DISP3: variants seen among roughly 807,000 people sequenced by gnomAD.
DISP3 encodes protein dispatched homolog 3.
DISP3 carries 101 observed loss-of-function variants against 135.3 expected under a neutral mutation model. The observed-to-expected ratio is 0.75, with a 90% confidence interval of 0.64 to 0.88. The LOEUF (loss-of-function observed/expected upper bound fraction) is 0.88. DISP3 is among the 40% of genes least tolerant of loss of function. The pLI, the probability that DISP3 is intolerant of heterozygous loss-of-function variation, is 0.00. For missense variants in DISP3, 1,713 were observed against 1,878.6 expected, an observed-to-expected ratio of 0.91 and a Z score of 1.63; for synonymous variants, 856 against 817.0, an observed-to-expected ratio of 1.05 and a Z score of -0.81.
chr1:11,535,667 C>G (rs1642691858), intron 20 of DISP3, 23 bp downstream of exon 20: 2 of 1,597,172 alleles, frequency 1.3e-6, no homozygotes, highest in African/African-American at 1.3e-5. Context: ...CCCGCCTTAC[C>G]CACTTCCCAC....
intron 1 of DISP3, among the ~76,000 whole-genome samples, chr1:11,480,668 C>T (rs1640875474): frequency 1.8e-5 from 2 of 108,752 alleles, no homozygotes; most frequent in Admixed American, 2.2e-4. Flanking sequence ...CCACCCCCAG[C>T]GCGCGCGTGC....
chr1:11,530,898 T>C lies in DISP3; in HGVS notation c.3103-9T>C. 6.2e-7 allele frequency: 1 copy of C among 1,613,470 alleles called. No homozygotes were observed. Among genetic ancestry groups the C allele is most frequent in the Admixed American group, 1.7e-5 (1 of 60,000 alleles). On this transcript the variant is annotated splice_polypyrimidine_tract_variant and intron_variant, in intron 15 of 20. Transcript: ENST00000294484. The stretch of plus-strand genomic sequence containing the variant: ...GCGGCCCGGGCCGGCTTGTTTCTCC[T>C]TGGGAAAGGGTAGTGTTGTCTACGA...
In DISP3 at chr1:11,501,633, C is replaced by A. The variant is rs758199709; in HGVS notation, c.641C>A (p.Ala214Glu). 3.7e-6 allele frequency: 6 copies of A among 1,608,424 alleles called. No individual in the cohort carries two copies. In the African/African-American group the frequency reaches 8.0e-5, roughly 21 times the overall value. Residue 214 changes from alanine (A) to glutamate (E), a missense_variant, in exon 2 of 21, where the codon GCA becomes GAA. Transcript: ENST00000294484. The surrounding 1 kb of genome is among the most constrained non-coding windows in gnomAD (Gnocchi z 4.9). Reference sequence around the variant, plus strand: ...GAGACCCCGCCCCTGGAGGATCTGGCAGCCAACCAGAGTGAAGACCCGCGA... The same window carrying A: ...GAGACCCCGCCCCTGGAGGATCTGGAAGCCAACCAGAGTGAAGACCCGCGA... ...RRETPPLEDL[A>E]ANQSEDPRNQ... is the part of the protein sequence containing the mutation.
chr1:11,480,569 G>T (rs775085143), intron 1 of DISP3, among the ~76,000 whole-genome samples: 1 of 151,920 alleles, frequency 6.6e-6, no homozygotes, highest in Non-Finnish European at 1.5e-5. Flanking sequence ...CACTGACTAA[G>T]CCCCAGATTC....
rs1268881339 is a variant in DISP3 at position 11,483,755 on chromosome 1, CG to C, written c.-4+4385del. Among the ~76,000 whole-genome samples the C allele has an allele frequency of 6.6e-6, 1 of 152,202 alleles. No homozygotes were observed. Among genetic ancestry groups the C allele is most frequent in the East Asian group, 1.9e-4 (1 of 5,200 alleles). On this transcript the variant is annotated intron_variant, in intron 1 of 20. Coordinates refer to ENST00000294484, the MANE Select transcript of DISP3 (RefSeq NM_020780.2). This position sits in a 1 kb window ranked among gnomAD's most constrained non-coding sequence, Gnocchi z 5.4. ...CAAGGCTTCTGAGCCATGGCTGGGC[CG>C]GAGCTGAGTCCCCGTGAGAGTCTGG...
At chr1:11,488,665 G>GTA (rs1202886437) in intron 1 of DISP3, among the ~76,000 whole-genome samples, 1 of 151,102 alleles carries the variant, frequency 6.6e-6, no homozygotes, top group Non-Finnish European at 1.5e-5. Flanking sequence ...GTGTGTGTGT[G>GTA]TGTTTGCAGA....
At chr1:11,488,320 C>T (rs886620543) in intron 1 of DISP3, among the ~76,000 whole-genome samples, 1 of 152,160 alleles carries the variant, frequency 6.6e-6, no homozygotes, top group African/African-American at 2.4e-5. Context: ...AGGCTGAGAC[C>T]AGTGTCAGAC....
Position 11,535,755 on chromosome 1 carries a change from A to T in DISP3, c.3816+111A>T, listed in dbSNP as rs529061283. 18 of 1,359,492 alleles carry T rather than the reference A, an allele frequency of 1.3e-5. No individual in the cohort carries two copies. In the Admixed American group the frequency reaches 2.6e-4, roughly 20 times the overall value. 84.2% of individuals were successfully genotyped at this position (1,359,492 alleles called of 1,614,324 possible). ...TGAACATCCCAGCACCAGGACCCCC[A>T]TGCAGGCTGTGTTCTAGAAACTAAG... On this transcript the variant is annotated intron_variant, in intron 20 of 20. Transcript: ENST00000294484.
rs2100457383 is a variant in DISP3 at position 11,516,858 on chromosome 1, TG to T, written c.1750-602del. Among the ~76,000 whole-genome samples the T allele has an allele frequency of 6.6e-6, 1 of 152,290 alleles. No individual in the cohort carries two copies. The highest frequency in any genetic ancestry group is 2.4e-5 in the African/African-American group (1 of 41,570). ...GGGTTCAGCTTCTGCAGTGTGACCT[TG>T]GGCAGGCTGTGTGACCTCTCTGAGC... On this transcript the variant is annotated intron_variant, in intron 6 of 20. Coordinates refer to ENST00000294484, the MANE Select transcript of DISP3 (RefSeq NM_020780.2). The surrounding 1 kb of genome is among the most constrained non-coding windows in gnomAD (Gnocchi z 5.1).
chr1:11,497,508 C>T (rs11121760), intron 1 of DISP3, among the ~76,000 whole-genome samples: 23,250 of 152,104 alleles, frequency 0.15, 2,887 homozygotes, highest in African/African-American at 0.34. Flanking sequence ...CTTGCCTCAG[C>T]CCCCCGAGTA....
Position 11,504,975 on chromosome 1 carries a change from G to A in DISP3, c.1316+2078G>A, listed in dbSNP as rs117608923. On this transcript the variant is annotated intron_variant, in intron 3 of 20. Coordinates refer to ENST00000294484, the MANE Select transcript of DISP3 (RefSeq NM_020780.2). ...TTGGAGTCAGATATATCTTGGGTCCGATCCCAGTTATTCAAATTATTGTGA... is the reference window on the plus strand; with the variant it reads ...TTGGAGTCAGATATATCTTGGGTCCAATCCCAGTTATTCAAATTATTGTGA... 3.4e-4 allele frequency among the ~76,000 whole-genome samples: 52 copies of A among 152,294 alleles called. No individual in the cohort carries two copies. The East Asian group carries it at 7.1e-3, about 21-fold the overall frequency.
At position 11,491,897 on chromosome 1, in the gene DISP3, C is replaced by T. The variant is rs1350605216; in HGVS notation, c.-3-9093C>T. ...CAGCACTTTGGGAGGCCGAGGCGGG[C>T]GGATCACGAGGTCAGGAGATCGAGA... On this transcript the variant is annotated intron_variant, in intron 1 of 20. Transcript: ENST00000294484. The surrounding 1 kb of genome is among the most constrained non-coding windows in gnomAD (Gnocchi z 4.3). Among the ~76,000 whole-genome samples the T allele has an allele frequency of 2.0e-5, 3 of 151,650 alleles. No individual in the cohort carries two copies. Among genetic ancestry groups the T allele is most frequent in the East Asian group, 2.0e-4 (1 of 5,128 alleles).
intron 2 of DISP3, 67 bp downstream of exon 2, chr1:11,502,155 G>A (rs1641559957): frequency 6.0e-6 from 9 of 1,500,792 alleles, no homozygotes; most frequent in Non-Finnish European, 7.1e-6. Context: ...TGGAGATTTG[G>A]CCCAGGCCAG....
chr1:11,526,577 G>A (rs1162278153), intron 12 of DISP3, 74 bp from the exon 13 acceptor site: 24 of 1,490,930 alleles, frequency 1.6e-5, no homozygotes, highest in Middle Eastern at 1.8e-4. Context: ...GGGAGGGGAC[G>A]GAGCCTGAGG....
At chr1:11,514,614 C>T (rs1040818204) in intron 4 of DISP3, 88 bp downstream of exon 4, 15 of 1,462,960 alleles carry the variant, frequency 1.0e-5, no homozygotes, top group Non-Finnish European at 1.4e-5. Context: ...TGCTGCAATA[C>T]TCTTGAGCCC....
intron 12 of DISP3, 58 bp from the exon 13 acceptor site, chr1:11,526,593 C>T (rs1642425558): frequency 7.7e-6 from 12 of 1,561,966 alleles, no homozygotes; most frequent in Non-Finnish European, 7.9e-6. Context: ...TGAGGCTGGC[C>T]CAGGCCGAGG....
chr1:11,529,924 A>G lies in DISP3; in HGVS notation c.3067A>G (p.Thr1023Ala). The G allele has an allele frequency of 6.2e-7, 1 of 1,613,760 alleles. No homozygotes were observed. The highest frequency in any genetic ancestry group is 1.3e-5 in the African/African-American group (1 of 75,050). Residue 1023 changes from threonine to alanine, a missense_variant, in exon 15 of 21, where the codon ACT (threonine) becomes GCT (alanine). Physicochemically the swap from Thr to Ala is moderately conservative, Grantham distance 58. This residue lies in a region of DISP3 where 1,142 missense variants were observed against 1,384.6 expected (regional missense o/e 0.82). Coordinates refer to ENST00000294484, the MANE Select transcript of DISP3 (RefSeq NM_020780.2). The surrounding 1 kb of genome is among the most constrained non-coding windows in gnomAD (Gnocchi z 4.7). ...VVFGIIGVNR[T>A]RQVDNHVIGD... is the part of the protein sequence containing the mutation. ...CTTCGGCATTATTGGCGTCAACCGC[A>G]CTCGGCAGGTGGACAACCACGTCAT... is the stretch of plus-strand genomic sequence containing the variant.
rs1256585072 is a variant in DISP3, at chr1:11,483,581, G to A, written c.-4+4209G>A. ...TTGCCAAGTACCCTGTATTGTTTTG[G>A]TTACTGTCATTCAATAAATATTTTC... On this transcript the variant is annotated intron_variant, in intron 1 of 20. Coordinates refer to ENST00000294484, the MANE Select transcript of DISP3 (RefSeq NM_020780.2). The surrounding 1 kb of genome is among the most constrained non-coding windows in gnomAD (Gnocchi z 5.4). 6.6e-6 allele frequency among the ~76,000 whole-genome samples: 1 copy of A among 152,168 alleles called. No individual in the cohort carries two copies. The highest frequency in any genetic ancestry group is 1.5e-5 in the Non-Finnish European group (1 of 68,034).
chr1:11,529,803 C>T lies in DISP3; in HGVS notation c.2946C>T (p.Leu982=), dbSNP rs373281365. 7.4e-6 allele frequency: 12 copies of T among 1,613,598 alleles called. No homozygotes were observed. Among genetic ancestry groups the T allele is most frequent in the African/African-American group, 5.3e-5 (4 of 74,946 alleles). The stretch of plus-strand genomic sequence containing the variant: ...TGTTCGCAGTGCCCAAGGCCCGTCT[C>T]TCAGCCACCTTCGGCTTCAACCCCT... ...VPSEKVPKAR[L]SATFGFNPCV... Residue 982 remains leucine, a synonymous_variant, in exon 15 of 21, where the codon CTC becomes CTT. Transcript: ENST00000294484. The surrounding 1 kb of genome is among the most constrained non-coding windows in gnomAD (Gnocchi z 4.7).
Sources: gnomAD v4.1 joint callset for allele counts (sites outside exome capture counted in the v4.1 genomes callset) on GRCh38, gnomAD v4.1.1 for gene constraint, gnomAD v4.1.1 regional missense constraint, Gnocchi (gnomAD v3.1) non-coding constraint, MANE v1.5 for transcripts, NCBI Gene and HGNC (gene_info 2026-07-23, HGNC 2026-07-21) for gene names.